FRMD4A: variants seen among roughly 807,000 people sequenced by gnomAD.
FRMD4A encodes the protein FERM domain-containing protein 4A.
In FRMD4A, 29 loss-of-function variants were observed where a neutral mutation model predicts 129.1. The ratio of observed to expected loss-of-function variants is 0.22; its 90% CI spans 0.17 to 0.31. The LOEUF (loss-of-function observed/expected upper bound fraction) is 0.31. Ranked by LOEUF, FRMD4A falls within the 10% of genes least tolerant of loss-of-function variation. The pLI, the probability that FRMD4A is intolerant of heterozygous loss-of-function variation, is 1.00. For missense variants in FRMD4A, 1,272 were observed against 1,375.8 expected (o/e 0.92, Z 1.19); for synonymous variants, 634 against 571.6 (o/e 1.11, Z -1.56).
intron 6 of FRMD4A, among the ~76,000 whole-genome samples, chr10:13,780,747 AT>A (rs974842210): frequency 6.6e-6 from 1 of 152,148 alleles, no homozygotes; most frequent in African/African-American, 2.4e-5. Context: ...GAAATGTAAA[AT>A]GGTGCAGCTG....
chr10:13,912,182 G>A (rs1256859329), intron 2 of FRMD4A, among the ~76,000 whole-genome samples: 1 of 152,130 alleles, frequency 6.6e-6, no homozygotes, highest in Non-Finnish European at 1.5e-5. Flanking sequence ...AGTTTACAAG[G>A]AATGTAAGAT....
intron 4 of FRMD4A, among the ~76,000 whole-genome samples, chr10:13,801,294 CA>C (rs2093249049): frequency 6.6e-6 from 1 of 152,112 alleles, no homozygotes; most frequent in Non-Finnish European, 1.5e-5. Flanking sequence ...GGTCAGGAAG[CA>C]AAGAGAACAT....
chr10:14,084,270 C>T (rs1482873192), intron 2 of FRMD4A, among the ~76,000 whole-genome samples: 1 of 152,198 alleles, frequency 6.6e-6, no homozygotes, highest in Non-Finnish European at 1.5e-5. Context: ...CCTCAGCCTC[C>T]TGAGTAGCTG....
At chr10:14,329,036 C>G (rs1351608578) in intron 2 of FRMD4A, among the ~76,000 whole-genome samples, 1 of 152,208 alleles carries the variant, frequency 6.6e-6, no homozygotes, top group Admixed American at 6.5e-5. Context: ...ATATCTGTTC[C>G]TTTTAACATG....
At chr10:13,943,936 C>T (rs913930730) in intron 2 of FRMD4A, among the ~76,000 whole-genome samples, 3 of 151,976 alleles carry the variant, frequency 2.0e-5, no homozygotes, top group South Asian at 4.2e-4. Flanking sequence ...AAGGTGACAG[C>T]GTAAAAGATG....
intron 2 of FRMD4A, among the ~76,000 whole-genome samples, chr10:14,263,293 AACAGG>A (rs954748622): frequency 2.0e-5 from 3 of 152,160 alleles, no homozygotes; most frequent in African/African-American, 7.2e-5. Flanking sequence ...TCTGCACAGA[AACAGG>A]GCATATGGCT....
At chr10:13,879,521 TAAATA>T (rs1015109064) in intron 2 of FRMD4A, among the ~76,000 whole-genome samples, 14 of 151,774 alleles carry the variant, frequency 9.2e-5, no homozygotes, top group Admixed American at 3.3e-4. Flanking sequence ...TCCCCACAAA[TAAATA>T]AAATAAAATA....
intron 2 of FRMD4A, chr10:13,891,682 C>A: frequency 1.6e-5 from 16 of 985,262 alleles, no homozygotes; most frequent in Non-Finnish European, 1.9e-5. Flanking sequence ...GCGGCTGGTA[C>A]CCCGGAACGG....
At chr10:13,933,044 C>T (rs1004472817) in intron 2 of FRMD4A, among the ~76,000 whole-genome samples, 1 of 151,908 alleles carries the variant, frequency 6.6e-6, no homozygotes, top group African/African-American at 2.4e-5. Context: ...ATCTGTAATC[C>T]CAGCTGCTCG....
chr10:14,223,481 C>T (rs987588630), intron 2 of FRMD4A, among the ~76,000 whole-genome samples: 1 of 152,128 alleles, frequency 6.6e-6, no homozygotes, highest in Non-Finnish European at 1.5e-5. Context: ...GTGACTCATA[C>T]CTGTAATCCC....
chr10:14,067,185 G>A lies in FRMD4A; in HGVS notation c.46-208273C>T, dbSNP rs11813553. On this transcript the variant is annotated intron_variant, in intron 2 of 24. Transcript: ENST00000357447. ...ACAAAAATTAGCTGGGCGTGGTGGC[G>A]GGTGCCTGTAATCCAAGCTACTCGG... is the stretch of plus-strand genomic sequence containing the variant. Among the ~76,000 whole-genome samples the A allele has an allele frequency of 8.2e-3, 1,253 of 151,938 alleles. 15 individuals are homozygous for A. Among genetic ancestry groups the A allele is most frequent in the African/African-American group, 0.028 (1,172 of 41,452 alleles).
chr10:13,856,723 A>G (rs1589049412), intron 3 of FRMD4A, among the ~76,000 whole-genome samples: 1 of 152,180 alleles, frequency 6.6e-6, no homozygotes, highest in East Asian at 1.9e-4. Flanking sequence ...TCGTTCGCCT[A>G]ATTCAACATT....
intron 2 of FRMD4A, among the ~76,000 whole-genome samples, chr10:14,148,748 C>T (rs1434246530): frequency 1.2e-4 from 18 of 149,262 alleles, no homozygotes; most frequent in East Asian, 5.9e-4. Context: ...GGTGACAGAG[C>T]GAGACTCTGT....
intron 13 of FRMD4A, among the ~76,000 whole-genome samples, chr10:13,705,362 G>A (rs768666241): frequency 2.6e-5 from 4 of 152,170 alleles, no homozygotes; most frequent in Non-Finnish European, 4.4e-5. Context: ...ACACACATGT[G>A]CAGATATATG....
intron 2 of FRMD4A, among the ~76,000 whole-genome samples, chr10:14,251,885 G>A (rs1244527636): frequency 2.0e-5 from 3 of 148,686 alleles, no homozygotes; most frequent in Non-Finnish European, 4.4e-5. Flanking sequence ...GTGCACACAT[G>A]TGCACACACA....
At chr10:14,174,901 G>A (rs1159951332) in intron 2 of FRMD4A, among the ~76,000 whole-genome samples, 1 of 148,556 alleles carries the variant, frequency 6.7e-6, no homozygotes, top group African/African-American at 2.4e-5. Flanking sequence ...GTGTGTGTGT[G>A]TGTGTGTGTG....
chr10:14,309,323 A>G (rs1846460214), intron 2 of FRMD4A, among the ~76,000 whole-genome samples: 1 of 152,142 alleles, frequency 6.6e-6, no homozygotes, highest in African/African-American at 2.4e-5. Context: ...AATGGCTCAC[A>G]TCTCTAATCC....
chr10:14,151,849 CT>C (rs1197897394), intron 2 of FRMD4A, among the ~76,000 whole-genome samples: 131 of 152,116 alleles, frequency 8.6e-4, no homozygotes, highest in Admixed American at 8.6e-3. Context: ...CAGCAGGCCC[CT>C]GTTCCCTTCA....
chr10:13,926,683 G>A (rs1307515127), intron 2 of FRMD4A, among the ~76,000 whole-genome samples: 1 of 152,184 alleles, frequency 6.6e-6, no homozygotes, highest in East Asian at 1.9e-4. Context: ...CACTGACCAT[G>A]CTGGTCTTCA....
Sources: allele counts gnomAD v4.1 joint callset (sites outside exome capture counted in the v4.1 genomes callset), GRCh38; gene constraint gnomAD v4.1.1; transcripts MANE v1.5; gene names NCBI Gene and HGNC (gene_info 2026-07-23, HGNC 2026-07-21).